Variants in CDH23 observed in about 807,000 individuals in gnomAD.
CDH23 encodes the protein cadherin related 23, also known as cadherin-23.
CDH23 carries 189 observed loss-of-function variants against 317.1 expected under a neutral mutation model. That is an observed-to-expected ratio of 0.60 (90% CI 0.53 to 0.67). The LOEUF (loss-of-function observed/expected upper bound fraction) is 0.67. CDH23 is among the 30% of genes least tolerant of loss of function. CDH23 has a pLI of 0.00. For synonymous variants in CDH23, 1,839 were observed against 1,876.8 expected (o/e 0.98, Z 0.52); for missense variants, 4,401 against 4,592.4 (o/e 0.96, Z 1.20).
intron 6 of CDH23, among the ~76,000 whole-genome samples, chr10:71,536,970 G>A (rs778144434): frequency 8.5e-5 from 13 of 152,182 alleles, no homozygotes; most frequent in Non-Finnish European, 1.6e-4. Flanking sequence ...ATGAGAGGCA[G>A]AACCATTTGG....
intron 38 of CDH23, among the ~76,000 whole-genome samples, chr10:71,754,369 T>C (rs1255616881): frequency 6.6e-6 from 1 of 152,146 alleles, no homozygotes; most frequent in African/African-American, 2.4e-5. Context: ...TGACAAGTTG[T>C]TAAGGGCCGG....
At chr10:71,785,831 C>T (rs1841091107) in intron 44 of CDH23, 93 bp downstream of exon 44, 2 of 806,104 alleles carry the variant, frequency 2.5e-6, no homozygotes, top group Non-Finnish European at 4.3e-6. Flanking sequence ...CATAGCCAGG[C>T]TTAGATGCAC....
chr10:71,519,677 G>A (rs561933211), intron 6 of CDH23, among the ~76,000 whole-genome samples: 1 of 152,324 alleles, frequency 6.6e-6, no homozygotes, highest in South Asian at 2.1e-4. Flanking sequence ...GTAAAATAGG[G>A]ATACACTGAG....
chr10:71,559,557 G>T lies in CDH23; in HGVS notation c.430-7185G>T, dbSNP rs1259906002. Among the ~76,000 whole-genome samples the T allele has an allele frequency of 2.0e-5, 3 of 152,344 alleles. No homozygotes were observed. The East Asian group carries it at 5.8e-4, about 29-fold the overall frequency. On this transcript the variant is annotated intron_variant, in intron 6 of 69. Coordinates refer to ENST00000224721, the MANE Select transcript of CDH23 (RefSeq NM_022124.6). ...AGCACTTTGATGAGTGTCTTTCAGG[G>T]ATTCCAAAAAGCCAGTACACAGCTG...
At chr10:71,399,987 A>AGC (rs1331075045) in intron 1 of CDH23, among the ~76,000 whole-genome samples, 1 of 152,140 alleles carries the variant, frequency 6.6e-6, no homozygotes, top group African/African-American at 2.4e-5. Flanking sequence ...AACACCTCTC[A>AGC]GCGGCCTTAG....
intron 3 of CDH23, among the ~76,000 whole-genome samples, chr10:71,492,024 C>T (rs1320590831): frequency 6.6e-6 from 1 of 152,170 alleles, no homozygotes; most frequent in African/African-American, 2.4e-5. Flanking sequence ...TGGAGAGAGG[C>T]AGTTTAAGAG....
At chr10:71,427,204 A>G (rs373244792) in intron 1 of CDH23, among the ~76,000 whole-genome samples, 34,092 of 132,816 alleles carry the variant, frequency 0.26, 6,106 homozygotes, top group Middle Eastern at 0.41. Flanking sequence ...AGAGAAAGAA[A>G]GAAAGAAAGA....
intron 6 of CDH23, among the ~76,000 whole-genome samples, chr10:71,563,248 G>C (rs1857222103): frequency 6.6e-6 from 1 of 152,106 alleles, no homozygotes; most frequent in African/African-American, 2.4e-5. Context: ...CTAGGAAATG[G>C]GGAGGCTGGA....
intron 36 of CDH23, 30 bp from the exon 37 acceptor site, chr10:71,740,792 C>A (rs761167177): frequency 6.2e-7 from 1 of 1,613,198 alleles, no homozygotes; most frequent in African/African-American, 1.3e-5. Context: ...CACGCTTTAG[C>A]CCTGACTCCA....
chr10:71,601,961 A>AG (rs35774888), intron 9 of CDH23, among the ~76,000 whole-genome samples: 5,019 of 139,940 alleles, frequency 0.036, 136 homozygotes, highest in Non-Finnish European at 0.04. Flanking sequence ...TGGGCGGCGG[A>AG]GGGGGGGGGG....
chr10:71,781,163 C>T lies in CDH23; in HGVS notation c.5368+1716C>T, dbSNP rs76052167. ...GTATTTAAATCCAGGAAACAAAGAGCGGTGCGAAGATTCAACAGTGAACCC... is the reference window on the plus strand; with the variant it reads ...GTATTTAAATCCAGGAAACAAAGAGTGGTGCGAAGATTCAACAGTGAACCC... On this transcript the variant is annotated intron_variant, in intron 41 of 69. Transcript: ENST00000224721. Among the ~76,000 whole-genome samples, 249 of 152,160 alleles carry T rather than the reference C, an allele frequency of 1.6e-3. 2 individuals carry two copies. Among genetic ancestry groups the T allele is most frequent in the Non-Finnish European group, 2.8e-3 (191 of 68,002 alleles).
rs148725215 is a variant in CDH23 at position 71,702,343 on chromosome 10, C to T, written c.2587+132C>T. The T allele has an allele frequency of 4.5e-3, 5,203 of 1,166,994 alleles. 74 individuals are homozygous for T. The highest frequency in any genetic ancestry group is 0.032 in the South Asian group (2,245 of 70,868). The allele number at this position is 1,166,994 out of a possible 1,614,324, so 72.3% of individuals were successfully genotyped here. On this transcript the variant is annotated intron_variant, in intron 23 of 69. Transcript: ENST00000224721. Reference sequence around the variant, plus strand: ...ATCACCAAGAGTAGAGTAATACCCACGCCCCAGTTGTGACTCCTAGAGCAC... The same window carrying T: ...ATCACCAAGAGTAGAGTAATACCCATGCCCCAGTTGTGACTCCTAGAGCAC...
At chr10:71,695,388 T>C (rs2132716703) in intron 21 of CDH23, 30 bp from the exon 22 acceptor site, 3 of 1,484,794 alleles carry the variant, frequency 2.0e-6, no homozygotes, top group Non-Finnish European at 2.8e-6. Flanking sequence ...CAGCTGGGTG[T>C]GTCTCCCAGC....
At chr10:71,683,359 TC>T (rs1864735146) in intron 18 of CDH23, among the ~76,000 whole-genome samples, 1 of 152,232 alleles carries the variant, frequency 6.6e-6, no homozygotes, top group African/African-American at 2.4e-5. Context: ...CGCTGTGATT[TC>T]ACATAAGCTC....
chr10:71,754,098 G>A (rs1239226561), intron 38 of CDH23, among the ~76,000 whole-genome samples: 1 of 152,182 alleles, frequency 6.6e-6, no homozygotes, highest in Non-Finnish European at 1.5e-5. Context: ...TCCTGAGCAG[G>A]CTCTCTGGGC....
At chr10:71,712,849 C>T in intron 28 of CDH23, 36 bp downstream of exon 28, 4 of 1,599,604 alleles carry the variant, frequency 2.5e-6, no homozygotes, top group Non-Finnish European at 3.4e-6. Flanking sequence ...AGGTGGTGGG[C>T]TGGGGGAGGC....
chr10:71,403,404 T>TC (rs1564558186), intron 1 of CDH23, among the ~76,000 whole-genome samples: 16 of 78,574 alleles, frequency 2.0e-4, no homozygotes, highest in Admixed American at 4.5e-4. Context: ...TCTTTCTTTC[T>TC]TTCTCTTCCT....
At chr10:71,681,070 C>T (rs1864625913) in intron 17 of CDH23, among the ~76,000 whole-genome samples, 1 of 151,844 alleles carries the variant, frequency 6.6e-6, no homozygotes, top group Admixed American at 6.6e-5. Context: ...TCAAGCCATC[C>T]TCCTGCCTCA....
chr10:71,644,901 G>A (rs905831860), intron 12 of CDH23, among the ~76,000 whole-genome samples: 18 of 152,212 alleles, frequency 1.2e-4, no homozygotes, highest in Admixed American at 5.2e-4. Flanking sequence ...GTCTGGGGGC[G>A]CAGGTGATCC....
Sources: allele counts gnomAD v4.1 joint callset (sites outside exome capture counted in the v4.1 genomes callset), GRCh38; gene constraint gnomAD v4.1.1; transcripts MANE v1.5; gene names NCBI Gene and HGNC (gene_info 2026-07-23, HGNC 2026-07-21).